TNS3: variants seen among roughly 807,000 people sequenced by gnomAD.
TNS3 encodes tensin 3, also known as tensin-3.
Under a neutral mutation model 140.9 loss-of-function variants are expected in TNS3, and 45 were observed. That is an observed-to-expected ratio of 0.32 (90% CI 0.25 to 0.41). The LOEUF is 0.41. Ranked by LOEUF, TNS3 falls within the 10% of genes least tolerant of loss-of-function variation. The pLI, the probability that TNS3 is intolerant of heterozygous loss-of-function variation, is 1.00. For synonymous variants in TNS3, 815 were observed against 788.4 expected, an observed-to-expected ratio of 1.03 and a Z score of -0.56; for missense variants, 1,716 against 1,906.7, an observed-to-expected ratio of 0.90 and a Z score of 1.86.
At chr7:47,501,813 A>C (rs1229833519) in intron 3 of TNS3, among the ~76,000 whole-genome samples, 1 of 152,200 alleles carries the variant, frequency 6.6e-6, no homozygotes, top group East Asian at 1.9e-4. Context: ...GTATGAGCAG[A>C]GCCTTCATGG....
chr7:47,316,257 G>C (rs1017313072), intron 20 of TNS3, among the ~76,000 whole-genome samples: 1 of 151,816 alleles, frequency 6.6e-6, no homozygotes, highest in Non-Finnish European at 1.5e-5. Context: ...CAAATCTCTC[G>C]TATCCTTCTT....
At chr7:47,458,740 C>G (rs963739231) in intron 4 of TNS3, among the ~76,000 whole-genome samples, 1 of 152,200 alleles carries the variant, frequency 6.6e-6, no homozygotes, top group Non-Finnish European at 1.5e-5. Flanking sequence ...CCCAGGCCAT[C>G]TGAGGAGCCT....
intron 20 of TNS3, among the ~76,000 whole-genome samples, chr7:47,339,023 T>C (rs1054855741): frequency 2.0e-5 from 3 of 152,232 alleles, no homozygotes; most frequent in African/African-American, 7.2e-5. Flanking sequence ...GACTTTTTAA[T>C]AATAGTTTGG....
intron 4 of TNS3, among the ~76,000 whole-genome samples, chr7:47,480,309 AC>A (rs901670323): frequency 5.9e-5 from 9 of 152,124 alleles, no homozygotes; most frequent in Non-Finnish European, 1.3e-4. Flanking sequence ...CACAGGGTGC[AC>A]CTGTTTCCCT....
intron 4 of TNS3, among the ~76,000 whole-genome samples, chr7:47,479,425 G>A (rs1286387685): frequency 2.0e-5 from 3 of 152,126 alleles, no homozygotes; most frequent in Non-Finnish European, 4.4e-5. Flanking sequence ...GTCACAAACC[G>A]CAGCCTGTCA....
At chr7:47,295,824 G>A (rs990077613) in intron 24 of TNS3, among the ~76,000 whole-genome samples, 7 of 152,196 alleles carry the variant, frequency 4.6e-5, no homozygotes, top group Admixed American at 1.3e-4. Context: ...ATTCCACAGG[G>A]TGTAACTCCA....
intron 13 of TNS3, among the ~76,000 whole-genome samples, chr7:47,410,407 A>G (rs1327517881): frequency 6.6e-6 from 1 of 152,224 alleles, no homozygotes; most frequent in African/African-American, 2.4e-5. Context: ...CAATGCCTTG[A>G]AAAGGGCTGG....
At chr7:47,430,641 A>G (rs984829421) in intron 8 of TNS3, among the ~76,000 whole-genome samples, 3 of 152,182 alleles carry the variant, frequency 2.0e-5, no homozygotes, top group Non-Finnish European at 2.9e-5. Flanking sequence ...GTGCACACAG[A>G]AAGTTCTCCA....
intron 3 of TNS3, among the ~76,000 whole-genome samples, chr7:47,495,228 C>T (rs1055973821): frequency 6.6e-6 from 1 of 151,288 alleles, no homozygotes; most frequent in African/African-American, 2.4e-5. Flanking sequence ...TTCTTCTCCC[C>T]ATGGAACGTG....
At chr7:47,401,321 G>A (rs1010063244) in intron 13 of TNS3, among the ~76,000 whole-genome samples, 18 of 152,198 alleles carry the variant, frequency 1.2e-4, no homozygotes, top group Non-Finnish European at 2.4e-4. Context: ...ACAACTGATT[G>A]TGATAGCTTT....
chr7:47,357,431 G>C (rs1790056564), intron 17 of TNS3, among the ~76,000 whole-genome samples: 1 of 152,178 alleles, frequency 6.6e-6, no homozygotes, highest in Non-Finnish European at 1.5e-5. Context: ...AGGAGGCAGG[G>C]TGGCATGACA....
At chr7:47,470,122 C>T (rs932828931) in intron 4 of TNS3, among the ~76,000 whole-genome samples, 4 of 151,400 alleles carry the variant, frequency 2.6e-5, no homozygotes, top group African/African-American at 9.7e-5. Flanking sequence ...GAACAGAAAA[C>T]AAAACACCAC....
At chr7:47,425,578 C>T (rs1431178123) in intron 9 of TNS3, among the ~76,000 whole-genome samples, 4 of 152,180 alleles carry the variant, frequency 2.6e-5, no homozygotes, top group Non-Finnish European at 5.9e-5. Context: ...CAGTCACACA[C>T]AGAAGGGCCC....
At chr7:47,560,035 C>T (rs1291696375) in intron 1 of TNS3, among the ~76,000 whole-genome samples, 1 of 152,140 alleles carries the variant, frequency 6.6e-6, no homozygotes, top group Non-Finnish European at 1.5e-5. Context: ...CTGCAAGAGC[C>T]GGCCGCGGGT....
At chr7:47,291,446 G>C (rs978253686) in intron 27 of TNS3, among the ~76,000 whole-genome samples, 14 of 152,116 alleles carry the variant, frequency 9.2e-5, no homozygotes, top group African/African-American at 3.4e-4. Flanking sequence ...GTGTATCTCT[G>C]TACCTTCTTC....
intron 16 of TNS3, among the ~76,000 whole-genome samples, chr7:47,372,019 T>C (rs1791102136): frequency 6.6e-6 from 1 of 152,264 alleles, no homozygotes; most frequent in African/African-American, 2.4e-5. Flanking sequence ...CAATTTAATT[T>C]GGTTTCTGTT....
At chr7:47,368,299 C>G in intron 17 of TNS3, 66 bp downstream of exon 17, 1 of 1,387,932 alleles carries the variant, frequency 7.2e-7, no homozygotes, top group Non-Finnish European at 9.4e-7. Flanking sequence ...AGGCTGATTT[C>G]TCATCACACA....
At chr7:47,506,097 G>A (rs2151879356) in intron 3 of TNS3, among the ~76,000 whole-genome samples, 1 of 152,258 alleles carries the variant, frequency 6.6e-6, no homozygotes, top group Middle Eastern at 3.4e-3. Context: ...ACAGCCATGG[G>A]GACAACCTGT....
chr7:47,395,089 C>T (rs142782629), intron 16 of TNS3, among the ~76,000 whole-genome samples: 497 of 152,350 alleles, frequency 3.3e-3, no homozygotes, highest in African/African-American at 0.011. Context: ...TGGTCAATAA[C>T]CCTCCAGGCT....
Sources: gnomAD v4.1 joint callset for allele counts (sites outside exome capture counted in the v4.1 genomes callset) on GRCh38, gnomAD v4.1.1 for gene constraint, MANE v1.5 for transcripts, NCBI Gene and HGNC (gene_info 2026-07-23, HGNC 2026-07-21) for gene names.